ATP8A1: variants seen among roughly 807,000 people sequenced by gnomAD.
ATP8A1 encodes the protein ATPase phospholipid transporting 8A1.
A neutral mutation model predicts 177.7 loss-of-function variants in ATP8A1; 90 were observed. The ratio of observed to expected loss-of-function variants is 0.51; its 90% CI spans 0.43 to 0.60. The LOEUF is 0.60. Among genes scored for constraint, ATP8A1 ranks in the 20% least tolerant of loss-of-function variants. The pLI is 0.00. For missense variants in ATP8A1, 1,072 were observed against 1,392.8 expected (o/e 0.77, Z 3.67); for synonymous variants, 493 against 485.9 (o/e 1.01, Z -0.19).
At chr4:42,554,114 GACTT>G (rs1729802092) in intron 16 of ATP8A1, among the ~76,000 whole-genome samples, 1 of 152,152 alleles carries the variant, frequency 6.6e-6, no homozygotes, top group South Asian at 2.1e-4. Flanking sequence ...ATAGTGAGGG[GACTT>G]GATTTCCATT....
intron 4 of ATP8A1, among the ~76,000 whole-genome samples, chr4:42,624,103 A>C (rs1043697921): frequency 2.0e-5 from 3 of 152,082 alleles, no homozygotes; most frequent in Admixed American, 1.3e-4. Context: ...AAATGAGATA[A>C]AGGAAAAAGA....
intron 13 of ATP8A1, 40 bp downstream of exon 13, chr4:42,575,582 T>C (rs1362687387): frequency 1.5e-5 from 23 of 1,572,814 alleles, no homozygotes; most frequent in Non-Finnish European, 2.0e-5. Flanking sequence ...CAAATCTAAC[T>C]TTTTAATTCC....
chr4:42,606,297 C>G (rs1735791668), intron 5 of ATP8A1, among the ~76,000 whole-genome samples: 1 of 152,188 alleles, frequency 6.6e-6, no homozygotes, highest in African/African-American at 2.4e-5. Flanking sequence ...GAGAGACTGA[C>G]AGGCATGGCT....
rs1167454558 is a variant in ATP8A1, at chr4:42,452,065, G to A, written c.2818-6C>T. On this transcript the variant is annotated splice_region_variant and splice_polypyrimidine_tract_variant and intron_variant, in intron 29 of 36. Transcript: ENST00000381668. ...AAACAATGAACCCAGAAAACCTGAGGGAAAACAAAAATCCATGAGAACCAT... is the reference window on the plus strand; with the variant it reads ...AAACAATGAACCCAGAAAACCTGAGAGAAAACAAAAATCCATGAGAACCAT... The A allele has an allele frequency of 1.2e-6, 2 of 1,608,624 alleles. No homozygotes were observed. The highest frequency in any genetic ancestry group is 2.2e-5 in the East Asian group (1 of 44,694).
rs372288620 is a variant in ATP8A1 at position 42,435,461 on chromosome 4, A to AAAC, written c.3123+8101_3123+8103dup. Among the ~76,000 whole-genome samples the AAAC allele has an allele frequency of 7.3e-3, 891 of 121,942 alleles. 8 individuals are homozygous for AAAC. The highest frequency in any genetic ancestry group is 0.01 in the South Asian group (35 of 3,390). 80.0% of individuals were successfully genotyped at this position (121,942 alleles called of 152,430 possible). A position where few individuals can be genotyped will look rare whatever the true frequency, so the allele number is the denominator to read the frequency against. On this transcript the variant is annotated intron_variant, in intron 33 of 36. Transcript: ENST00000381668. ...AAAAAAAAAAAAAACAAAAAAAAAA[A>AAAC]AACAAACTATCTCCAGTTATGAGCT...
chr4:42,430,815 T>C (rs1363553171), intron 33 of ATP8A1, among the ~76,000 whole-genome samples: 3 of 152,210 alleles, frequency 2.0e-5, no homozygotes, highest in Non-Finnish European at 4.4e-5. Context: ...TCCACCACCC[T>C]GCAGTCTTCA....
chr4:42,459,061 G>T (rs1489913123), intron 27 of ATP8A1, among the ~76,000 whole-genome samples: 1 of 152,174 alleles, frequency 6.6e-6, no homozygotes, highest in Non-Finnish European at 1.5e-5. Flanking sequence ...TCTGGGAATT[G>T]ATTTAAAAGG....
At chr4:42,569,950 T>A (rs1044104566) in intron 14 of ATP8A1, among the ~76,000 whole-genome samples, 1 of 152,252 alleles carries the variant, frequency 6.6e-6, no homozygotes, top group African/African-American at 2.4e-5. Flanking sequence ...CAGATTTTTT[T>A]ATTTTCCATT....
chr4:42,603,708 CA>C (rs1735524230), intron 5 of ATP8A1, among the ~76,000 whole-genome samples: 2 of 152,210 alleles, frequency 1.3e-5, no homozygotes, highest in African/African-American at 2.4e-5. Context: ...AAATCTTCTC[CA>C]CCATCACCAA....
intron 1 of ATP8A1, among the ~76,000 whole-genome samples, chr4:42,646,752 A>G (rs1158254129): frequency 6.6e-6 from 1 of 152,226 alleles, no homozygotes; most frequent in East Asian, 1.9e-4. Flanking sequence ...GCACAGCCCT[A>G]GATGGATCAA....
At chr4:42,414,573 A>G (rs1186011770) in intron 36 of ATP8A1, 54 bp downstream of exon 36, 1 of 1,418,062 alleles carries the variant, frequency 7.1e-7, no homozygotes, top group Non-Finnish European at 1.0e-6. Context: ...TATAAATGCT[A>G]TGATACAGCA....
chr4:42,478,500 C>T (rs774636944), intron 25 of ATP8A1, among the ~76,000 whole-genome samples: 16 of 151,968 alleles, frequency 1.1e-4, no homozygotes, highest in Non-Finnish European at 4.4e-5. Flanking sequence ...ACATATGAAA[C>T]ACTTGAGAAT....
intron 35 of ATP8A1, among the ~76,000 whole-genome samples, chr4:42,415,938 T>A (rs1427620804): frequency 6.6e-6 from 1 of 152,190 alleles, no homozygotes. Context: ...ACATATATAT[T>A]TTAAAGTCTA....
intron 18 of ATP8A1, among the ~76,000 whole-genome samples, chr4:42,550,906 G>A (rs770634568): frequency 1.4e-4 from 22 of 152,132 alleles, no homozygotes; most frequent in Admixed American, 1.0e-3. Context: ...AATAATTTGA[G>A]TATGAGGAAG....
chr4:42,649,399 G>A (rs542156832), intron 1 of ATP8A1, among the ~76,000 whole-genome samples: 27 of 152,034 alleles, frequency 1.8e-4, no homozygotes, highest in African/African-American at 6.3e-4. Context: ...TATCTTTTCT[G>A]GAAAATAGTT....
chr4:42,542,174 T>A (rs1262103935), intron 20 of ATP8A1, among the ~76,000 whole-genome samples: 2 of 152,154 alleles, frequency 1.3e-5, no homozygotes, highest in Non-Finnish European at 2.9e-5. Context: ...TGCTGGGGAC[T>A]TAAAATTGCT....
At chr4:42,551,809 A>G (rs1218901280) in intron 17 of ATP8A1, among the ~76,000 whole-genome samples, 2 of 152,172 alleles carry the variant, frequency 1.3e-5, no homozygotes, top group Admixed American at 6.5e-5. Context: ...CATAGTTTCT[A>G]CCCTAATGAT....
intron 15 of ATP8A1, chr4:42,556,353 C>A (rs915511043): frequency 3.5e-4 from 66 of 190,324 alleles, no homozygotes; most frequent in Non-Finnish European, 6.0e-4. Context: ...TATTAAAACA[C>A]CTGGAATTGA....
chr4:42,585,048 T>C (rs984970333), intron 9 of ATP8A1, among the ~76,000 whole-genome samples: 6 of 152,166 alleles, frequency 3.9e-5, no homozygotes, highest in South Asian at 4.1e-4. Flanking sequence ...CAGGCACTTT[T>C]CCACTTGAAG....
Sources: gnomAD v4.1 joint callset for allele counts (sites outside exome capture counted in the v4.1 genomes callset) on GRCh38, gnomAD v4.1.1 for gene constraint, MANE v1.5 for transcripts, NCBI Gene and HGNC (gene_info 2026-07-23, HGNC 2026-07-21) for gene names.